The following B3GALT1 variants were observed in gnomAD, a reference collection of about 807,000 sequenced individuals.
B3GALT1 encodes beta-1,3-galactosyltransferase 1, also known as UDP-Gal:betaGlcNAc beta 1,3-galactosyltransferase, polypeptide 1.
A neutral mutation model predicts 23.2 loss-of-function variants in B3GALT1; 10 were observed. The observed-to-expected ratio is 0.43, with a 90% CI of 0.27 to 0.73. The LOEUF is 0.73. Among genes scored for constraint, B3GALT1 ranks in the 30% least tolerant of loss-of-function variants. B3GALT1 has a pLI of 0.21. For synonymous variants in B3GALT1, 156 were observed against 141.5 expected (o/e 1.10, Z -0.73); for missense variants, 299 against 405.4 (o/e 0.74, Z 2.25).
chr2:167,421,741 G>A (rs973548326), intron 1 of B3GALT1, among the ~76,000 whole-genome samples: 19 of 152,062 alleles, frequency 1.2e-4, no homozygotes, highest in African/African-American at 4.6e-4. Flanking sequence ...CAAAAAAGTG[G>A]CCAAAAGATG....
chr2:167,592,044 T>C (rs1684692130), intron 2 of B3GALT1, among the ~76,000 whole-genome samples: 1 of 152,072 alleles, frequency 6.6e-6, no homozygotes, highest in Non-Finnish European at 1.5e-5. Flanking sequence ...CTGATGATAG[T>C]GATAAGGTTC....
chr2:167,873,074 T>A lies in B3GALT1; in HGVS notation c.*3054T>A, dbSNP rs1690383152. ...ACACTGGCCAAAATATTGTTTCAAT[T>A]ACTGTTGAGCCATTCTTATCATTTC... is the stretch of plus-strand genomic sequence containing the variant. On this transcript the variant is annotated 3_prime_UTR_variant, in exon 5 of 5. Transcript: ENST00000392690. 6.6e-6 allele frequency: 1 copy of A among 152,188 alleles called. No homozygotes were observed. Among genetic ancestry groups the A allele is most frequent in the Admixed American group, 6.5e-5 (1 of 15,282 alleles). The allele number at this position is 152,188 out of a possible 1,614,324, so 9.4% of individuals were successfully genotyped here.
chr2:167,641,825 T>C (rs1301352312), intron 2 of B3GALT1, among the ~76,000 whole-genome samples: 3 of 152,162 alleles, frequency 2.0e-5, no homozygotes, highest in Non-Finnish European at 4.4e-5. Context: ...TCCATAGTAA[T>C]CATAGATTTA....
At chr2:167,370,405 A>G (rs575540646) in intron 1 of B3GALT1, among the ~76,000 whole-genome samples, 5 of 152,236 alleles carry the variant, frequency 3.3e-5, no homozygotes, top group African/African-American at 1.2e-4. Flanking sequence ...ACAAAGGTTT[A>G]TTAAACACAT....
intron 2 of B3GALT1, among the ~76,000 whole-genome samples, chr2:167,578,716 A>G (rs1385016421): frequency 6.6e-6 from 1 of 151,976 alleles, no homozygotes; most frequent in Non-Finnish European, 1.5e-5. Flanking sequence ...AGAAACAAAA[A>G]TAGCCTGTGT....
At chr2:167,611,405 G>A (rs16853962) in intron 2 of B3GALT1, among the ~76,000 whole-genome samples, 2,391 of 151,732 alleles carry the variant, frequency 0.016, 80 homozygotes, top group African/African-American at 0.055. Context: ...GCCCTTTGTC[G>A]TTTTCTTTCA....
intron 1 of B3GALT1, among the ~76,000 whole-genome samples, chr2:167,376,344 G>A (rs940305333): frequency 6.6e-6 from 1 of 151,986 alleles, no homozygotes; most frequent in African/African-American, 2.4e-5. Context: ...TGTTGTCAGG[G>A]TGTTGCTGGC....
chr2:167,625,259 C>T (rs1685321720), intron 2 of B3GALT1, among the ~76,000 whole-genome samples: 1 of 151,846 alleles, frequency 6.6e-6, no homozygotes, highest in South Asian at 2.1e-4. Flanking sequence ...ACTCCAAATG[C>T]CACAAAATGC....
In B3GALT1 at chr2:167,814,537, G is replaced by A. The variant is rs150187648; in HGVS notation, c.-351-4135G>A. The stretch of plus-strand genomic sequence containing the variant: ...AGCACTTTCGGAGGCTGAGGCAGGC[G>A]GATCAGGAGGTCAGGAGATCGAGAA... On this transcript the variant is annotated intron_variant, in intron 3 of 4. Transcript: ENST00000392690. Among the ~76,000 whole-genome samples the A allele has an allele frequency of 1.6e-3, 239 of 152,208 alleles. 1 individual carries two copies. The highest frequency in any genetic ancestry group is 5.3e-3 in the African/African-American group (222 of 41,536).
At chr2:167,639,522 A>G (rs1404646788) in intron 2 of B3GALT1, among the ~76,000 whole-genome samples, 3 of 152,076 alleles carry the variant, frequency 2.0e-5, no homozygotes, top group African/African-American at 4.8e-5. Flanking sequence ...ACTGTTATTC[A>G]TAGTAAATTT....
chr2:167,861,474 G>A (rs997544589), intron 4 of B3GALT1, among the ~76,000 whole-genome samples: 3 of 152,072 alleles, frequency 2.0e-5, no homozygotes, highest in African/African-American at 7.2e-5. Flanking sequence ...AAAGATAACA[G>A]AGCCAAAAAA....
At chr2:167,506,644 G>C (rs956898798) in intron 2 of B3GALT1, among the ~76,000 whole-genome samples, 1 of 152,184 alleles carries the variant, frequency 6.6e-6, no homozygotes, top group Non-Finnish European at 1.5e-5. Context: ...ATAAGACTTA[G>C]AATTTACAAG....
At chr2:167,447,850 G>T (rs541780428) in intron 1 of B3GALT1, among the ~76,000 whole-genome samples, 14 of 152,130 alleles carry the variant, frequency 9.2e-5, no homozygotes, top group Admixed American at 5.9e-4. Flanking sequence ...CTCTTGCTTG[G>T]TGGGCTGCAT....
intron 1 of B3GALT1, among the ~76,000 whole-genome samples, chr2:167,343,285 G>A (rs1440742956): frequency 6.6e-6 from 1 of 152,156 alleles, no homozygotes; most frequent in Non-Finnish European, 1.5e-5. Context: ...TTCTTCTGTT[G>A]ACACTTAAAT....
intron 3 of B3GALT1, among the ~76,000 whole-genome samples, chr2:167,776,694 G>A (rs759924789): frequency 1.1e-4 from 16 of 152,178 alleles, no homozygotes; most frequent in East Asian, 1.9e-4. Context: ...CCTTGAGGTC[G>A]TCCGGGTCTA....
chr2:167,342,359 G>T (rs1697161481), intron 1 of B3GALT1, among the ~76,000 whole-genome samples: 1 of 152,234 alleles, frequency 6.6e-6, no homozygotes, highest in South Asian at 2.1e-4. Context: ...ATGCAGAGGT[G>T]GGTGGATCAT....
At chr2:167,565,495 A>C (rs764145312) in intron 2 of B3GALT1, among the ~76,000 whole-genome samples, 6 of 152,218 alleles carry the variant, frequency 3.9e-5, no homozygotes, top group Non-Finnish European at 7.3e-5. Flanking sequence ...ACAAAAGCCA[A>C]AATTGACAAA....
intron 1 of B3GALT1, among the ~76,000 whole-genome samples, chr2:167,467,959 A>AAAT (rs1280947731): frequency 1.3e-5 from 2 of 152,312 alleles, no homozygotes; most frequent in East Asian, 3.9e-4. Flanking sequence ...AAGCAACCAA[A>AAAT]AATATACATA....
intron 1 of B3GALT1, among the ~76,000 whole-genome samples, chr2:167,435,461 A>G (rs74487620): frequency 6.9e-6 from 1 of 144,952 alleles, no homozygotes; most frequent in Admixed American, 6.8e-5. Context: ...AAAAAAAAAA[A>G]AGCAGAGAAA....
Sources: allele counts gnomAD v4.1 joint callset (sites outside exome capture counted in the v4.1 genomes callset), GRCh38; gene constraint gnomAD v4.1.1; transcripts MANE v1.5; gene names NCBI Gene and HGNC (gene_info 2026-07-23, HGNC 2026-07-21).